PTPRD: variants seen among roughly 807,000 people sequenced by gnomAD.
PTPRD encodes the protein protein tyrosine phosphatase receptor type D, also known as receptor-type tyrosine-protein phosphatase delta.
Under a neutral mutation model 214.5 loss-of-function variants are expected in PTPRD, and 34 were observed. The observed-to-expected ratio is 0.16, with a 90% CI of 0.12 to 0.21. The LOEUF is 0.21. Ranked by LOEUF, PTPRD falls within the 10% of genes least tolerant of loss-of-function variation. The pLI is 1.00. For synonymous variants in PTPRD, 1,128 were observed against 845.7 expected (o/e 1.33, Z -5.79); for missense variants, 2,545 against 2,398.7 (o/e 1.06, Z -1.27).
chr9:10,055,354 C>T (rs766748803), intron 3 of PTPRD, among the ~76,000 whole-genome samples: 1 of 152,038 alleles, frequency 6.6e-6, no homozygotes, highest in Non-Finnish European at 1.5e-5. Flanking sequence ...AGTTACTATC[C>T]ATTGAATACT....
intron 14 of PTPRD, among the ~76,000 whole-genome samples, chr9:8,628,614 C>CAA (rs57311712): frequency 0.017 from 1,723 of 101,202 alleles, 41 homozygotes; most frequent in African/African-American, 0.057. Flanking sequence ...CATATCAGGC[C>CAA]AAAAAAAAAA....
At chr9:10,554,658 T>TG (rs1167697040) in intron 2 of PTPRD, among the ~76,000 whole-genome samples, 6 of 151,912 alleles carry the variant, frequency 3.9e-5, no homozygotes, top group Non-Finnish European at 7.4e-5. Flanking sequence ...TTTTTTAATT[T>TG]TTTTTGTTTT....
At chr9:10,495,210 G>C (rs911904651) in intron 2 of PTPRD, among the ~76,000 whole-genome samples, 9 of 151,794 alleles carry the variant, frequency 5.9e-5, no homozygotes, top group African/African-American at 2.2e-4. Flanking sequence ...AGAGTTATCA[G>C]AAATCAGTAA....
chr9:10,459,076 G>A (rs2098938780), intron 2 of PTPRD, among the ~76,000 whole-genome samples: 1 of 151,988 alleles, frequency 6.6e-6, no homozygotes, highest in Admixed American at 6.6e-5. Context: ...AGGCCCCAGT[G>A]TGTGATGTTC....
intron 3 of PTPRD, among the ~76,000 whole-genome samples, chr9:10,190,718 CAAAAAAAAAAAA>C (rs57891244): frequency 4.5e-5 from 2 of 44,214 alleles, no homozygotes; most frequent in Admixed American, 2.9e-4. Context: ...AACTCTGTCT[CAAAAAAAAAAAA>C]AAAAAAAAAA....
At chr9:9,930,220 G>A (rs981001126) in intron 5 of PTPRD, among the ~76,000 whole-genome samples, 2 of 152,164 alleles carry the variant, frequency 1.3e-5, no homozygotes, top group African/African-American at 4.8e-5. Flanking sequence ...CATTTGGTAT[G>A]TTGATCTAGT....
At chr9:8,716,314 G>C (rs1210299814) in intron 12 of PTPRD, among the ~76,000 whole-genome samples, 1 of 152,156 alleles carries the variant, frequency 6.6e-6, no homozygotes, top group Non-Finnish European at 1.5e-5. Context: ...ACATTCACTA[G>C]AAGTATCTAT....
At chr9:9,947,438 A>T (rs1261782708) in intron 4 of PTPRD, among the ~76,000 whole-genome samples, 1 of 27,836 alleles carries the variant, frequency 3.6e-5, no homozygotes, top group Non-Finnish European at 4.8e-5. Context: ...TATATATATT[A>T]TATATTTTAT....
chr9:9,551,038 C>G (rs545326456), intron 8 of PTPRD, among the ~76,000 whole-genome samples: 6 of 151,986 alleles, frequency 3.9e-5, no homozygotes, highest in Admixed American at 3.9e-4. Context: ...GAAAATTTAT[C>G]ATGCAAATTT....
At chr9:8,855,453 G>T (rs1377577010) in intron 11 of PTPRD, among the ~76,000 whole-genome samples, 1 of 152,088 alleles carries the variant, frequency 6.6e-6, no homozygotes, top group Non-Finnish European at 1.5e-5. Flanking sequence ...AGAAGAATCT[G>T]TGTTACATAA....
At chr9:10,113,185 A>G (rs759378939) in intron 3 of PTPRD, among the ~76,000 whole-genome samples, 30 of 152,220 alleles carry the variant, frequency 2.0e-4, no homozygotes, top group Non-Finnish European at 4.0e-4. Context: ...GGGGGAGGCT[A>G]TATATTCATA....
At chr9:8,486,527 T>C in intron 27 of PTPRD, 178 bp from the exon 28 acceptor site, 2 of 723,798 alleles carry the variant, frequency 2.8e-6, no homozygotes, top group Non-Finnish European at 5.0e-6. Flanking sequence ...TTGTCTTACT[T>C]TATTAAAGTA....
intron 11 of PTPRD, among the ~76,000 whole-genome samples, chr9:8,900,100 T>A (rs1056028218): frequency 1.3e-5 from 2 of 152,218 alleles, no homozygotes; most frequent in Non-Finnish European, 2.9e-5. Flanking sequence ...ATTCAACGAC[T>A]GTTGGTCATT....
chr9:8,437,731 A>T (rs1177387600), intron 34 of PTPRD, among the ~76,000 whole-genome samples: 1 of 152,180 alleles, frequency 6.6e-6, no homozygotes, highest in Non-Finnish European at 1.5e-5. Flanking sequence ...AAGTGAGCAA[A>T]TGGTGAAAAG....
chr9:8,575,467 G>A (rs2092190186), intron 14 of PTPRD, among the ~76,000 whole-genome samples: 3 of 152,100 alleles, frequency 2.0e-5, no homozygotes, highest in East Asian at 3.9e-4. Flanking sequence ...CTCTTTGCCT[G>A]TTGCTGTCTT....
intron 14 of PTPRD, among the ~76,000 whole-genome samples, chr9:8,612,388 G>A (rs1353452460): frequency 6.6e-6 from 1 of 152,170 alleles, no homozygotes; most frequent in African/African-American, 2.4e-5. Flanking sequence ...GAGTCTATAG[G>A]CAAAGGATAC....
intron 2 of PTPRD, among the ~76,000 whole-genome samples, chr9:10,402,869 A>G (rs2098293819): frequency 6.6e-6 from 1 of 151,566 alleles, no homozygotes; most frequent in South Asian, 2.1e-4. Flanking sequence ...CTTGAAGCCT[A>G]AGGAGTAGTA....
chr9:9,038,816 C>T (rs193144622), intron 10 of PTPRD, among the ~76,000 whole-genome samples: 1 of 152,220 alleles, frequency 6.6e-6, no homozygotes, highest in African/African-American at 2.4e-5. Context: ...CTCGGACTCC[C>T]ACAGTGTTGG....
At chr9:8,364,189 T>A (rs570386347) in intron 39 of PTPRD, among the ~76,000 whole-genome samples, 1 of 152,122 alleles carries the variant, frequency 6.6e-6, no homozygotes, top group African/African-American at 2.4e-5. Context: ...AAATCCAAAT[T>A]GAGAAATCTG....
Sources: allele counts gnomAD v4.1 joint callset (sites outside exome capture counted in the v4.1 genomes callset), GRCh38; gene constraint gnomAD v4.1.1; transcripts MANE v1.5; gene names NCBI Gene and HGNC (gene_info 2026-07-23, HGNC 2026-07-21).